Variants in DDX46 observed in about 807,000 individuals in gnomAD.
DDX46 encodes the protein DEAD-box helicase 46.
A neutral mutation model predicts 134.9 loss-of-function variants in DDX46; 30 were observed. That is an observed-to-expected ratio of 0.22 (90% confidence interval 0.17 to 0.30). The LOEUF (loss-of-function observed/expected upper bound fraction) is 0.30, where lower values mean the gene tolerates loss of function less well. Ranked by LOEUF, DDX46 falls within the 10% of genes least tolerant of loss-of-function variation. DDX46 has a pLI of 1.00. For missense variants in DDX46, 622 were observed against 1,248.7 expected (o/e 0.50, Z 7.56); for synonymous variants, 415 against 404.1 (o/e 1.03, Z -0.32).
intron 11 of DDX46, among the ~76,000 whole-genome samples, chr5:134,787,626 C>T (rs1287209727): frequency 6.6e-6 from 1 of 152,158 alleles, no homozygotes; most frequent in Admixed American, 6.6e-5. Context: ...ATGGTACATG[C>T]CTGCACGTTG....
chr5:134,820,654 G>T (rs1755417313), intron 21 of DDX46, among the ~76,000 whole-genome samples: 1 of 152,088 alleles, frequency 6.6e-6, no homozygotes, highest in African/African-American at 2.4e-5. Flanking sequence ...TGCTATTTAG[G>T]ACTTACATTG....
In DDX46 at chr5:134,788,526, A is replaced by G. The variant is rs763631474; in HGVS notation, c.1478A>G (p.Lys493Arg). Residue 493 changes from lysine to arginine, a missense_variant, in exon 12 of 23, where the codon AAA (lysine) becomes AGA (arginine). This residue lies in a region of DDX46 where 209 missense variants were observed against 508.4 expected (regional missense o/e 0.41). Transcript: ENST00000452510. ...CTTTTTTATTAGATTGCTGAGCTGA[A>G]AAGAGGTGCTGAAATTATTGTTTGC... ...TGISEQIAELKRGAEIIVCTP... is the reference protein window; with the variant it reads ...TGISEQIAELRRGAEIIVCTP... The G allele has an allele frequency of 2.5e-6, 4 of 1,613,896 alleles. No individual in the cohort carries two copies. The Admixed American group carries it at 6.7e-5, about 27-fold the overall frequency.
At chr5:134,760,261 C>T (rs1054609852) in intron 1 of DDX46, among the ~76,000 whole-genome samples, 47 of 152,188 alleles carry the variant, frequency 3.1e-4, no homozygotes, top group African/African-American at 1.1e-3. Flanking sequence ...CGTCAGCCTT[C>T]TCCTTTACCT....
chr5:134,785,286 T>G (rs981185387), intron 10 of DDX46, among the ~76,000 whole-genome samples, 179 bp from the exon 11 acceptor site: 1 of 152,234 alleles, frequency 6.6e-6, no homozygotes, highest in Non-Finnish European at 1.5e-5. Flanking sequence ...TCTGCTTATA[T>G]TTATCCTTCC....
chr5:134,828,721 G>A lies in DDX46; in HGVS notation c.*15G>A, dbSNP rs769884639. 2 of 1,494,168 alleles carry A rather than the reference G, an allele frequency of 1.3e-6. No individual in the cohort carries two copies. Among genetic ancestry groups the A allele is most frequent in the Non-Finnish European group, 1.8e-6 (2 of 1,124,370 alleles). 92.6% of individuals were successfully genotyped at this position (1,494,168 alleles called of 1,614,324 possible). A position where few individuals can be genotyped will look rare whatever the true frequency, so the allele number is the denominator to read the frequency against. On this transcript the variant is annotated 3_prime_UTR_variant, in exon 23 of 23. Transcript: ENST00000452510. ...AAGTCTTATAGACATCCGGAAAAAA[G>A]ATTTTTACCTGTGCTGGTCTATGAT...
intron 21 of DDX46, among the ~76,000 whole-genome samples, chr5:134,825,313 C>G (rs1755560647): frequency 6.6e-6 from 1 of 152,190 alleles, no homozygotes; most frequent in African/African-American, 2.4e-5. Context: ...CCAGCACTCA[C>G]CTTCCCCACG....
At chr5:134,804,683 A>T (rs1444137793) in intron 15 of DDX46, 1 of 205,634 alleles carries the variant, frequency 4.9e-6, no homozygotes. Context: ...TTGTTCCGGA[A>T]AAGTCATTTT....
rs1300637354 is a variant in DDX46 at position 134,790,631 on chromosome 5, T to C, written c.1626+79T>C. ...CCATGAGAATGAAATGTTCATGTGG[T>C]TTCTGAAATTCACACACACACTTTT... On this transcript the variant is annotated intron_variant, in intron 13 of 22. Coordinates refer to ENST00000452510, the MANE Select transcript of DDX46 (RefSeq NM_001300860.2). The C allele has an allele frequency of 3.2e-6, 4 of 1,264,728 alleles. No homozygotes were observed. In the African/African-American group the frequency reaches 6.0e-5, roughly 19 times the overall value. 78.3% of individuals were successfully genotyped at this position (1,264,728 alleles called of 1,614,324 possible).
chr5:134,786,023 A>G (rs1754322737), intron 11 of DDX46, among the ~76,000 whole-genome samples: 1 of 151,878 alleles, frequency 6.6e-6, no homozygotes, highest in South Asian at 2.1e-4. Context: ...TAATTTTTGT[A>G]TTTTTAGTAG....
At chr5:134,808,509 A>T (rs1755054122) in intron 16 of DDX46, among the ~76,000 whole-genome samples, 1 of 152,292 alleles carries the variant, frequency 6.6e-6, no homozygotes, top group South Asian at 2.1e-4. Flanking sequence ...CTTTTGCACC[A>T]TGGTAAAGTT....
chr5:134,765,678 A>G (rs982196041), intron 2 of DDX46, among the ~76,000 whole-genome samples: 1 of 152,202 alleles, frequency 6.6e-6, no homozygotes, highest in Admixed American at 6.5e-5. Context: ...GACTACAGGT[A>G]TGAGATACCA....
At chr5:134,810,618 A>G (rs369498532) in intron 16 of DDX46, among the ~76,000 whole-genome samples, 149 of 149,262 alleles carry the variant, frequency 1.0e-3, no homozygotes, top group African/African-American at 3.4e-3. Flanking sequence ...TGCTGGGATT[A>G]CAGGCGTGAG....
chr5:134,788,366 TTTC>T, intron 11 of DDX46, 144 bp from the exon 12 acceptor site: 3 of 545,404 alleles, frequency 5.5e-6, no homozygotes, highest in Non-Finnish European at 9.5e-6. Flanking sequence ...GTTGTTGCTA[TTTC>T]TTTAGTAGTG....
At chr5:134,791,700 A>G (rs1337446233) in intron 13 of DDX46, among the ~76,000 whole-genome samples, 1 of 152,236 alleles carries the variant, frequency 6.6e-6, no homozygotes, top group African/African-American at 2.4e-5. Context: ...GGGATAAGGC[A>G]AATGTCATAT....
intron 6 of DDX46, among the ~76,000 whole-genome samples, chr5:134,778,118 A>G (rs1239071664): frequency 6.7e-6 from 1 of 148,676 alleles, no homozygotes; most frequent in Non-Finnish European, 1.5e-5. Context: ...TCCCAGGCCT[A>G]TGCAGTCTAC....
At chr5:134,790,828 T>TA (rs1754478869) in intron 13 of DDX46, among the ~76,000 whole-genome samples, 2 of 152,030 alleles carry the variant, frequency 1.3e-5, no homozygotes, top group South Asian at 4.2e-4. Context: ...GCTTAAGCCT[T>TA]ATTTTTTTTT....
chr5:134,793,178 G>A (rs116673880), intron 13 of DDX46, among the ~76,000 whole-genome samples: 1 of 151,870 alleles, frequency 6.6e-6, no homozygotes, highest in Non-Finnish European at 1.5e-5. Flanking sequence ...GGAAAATTTC[G>A]ATTTAGTTTG....
At chr5:134,790,137 C>T (rs1754461765) in intron 12 of DDX46, 1 of 485,958 alleles carries the variant, frequency 2.1e-6, no homozygotes, top group Non-Finnish European at 4.0e-6. Context: ...TGATGTGGCT[C>T]GATGCTTCAT....
intron 18 of DDX46, among the ~76,000 whole-genome samples, chr5:134,812,208 G>T (rs1351658235): frequency 6.6e-6 from 1 of 151,862 alleles, no homozygotes; most frequent in Non-Finnish European, 1.5e-5. Context: ...GGGATTACAG[G>T]CATCCACCAC....
Sources: allele counts gnomAD v4.1 joint callset (sites outside exome capture counted in the v4.1 genomes callset), GRCh38; gene constraint gnomAD v4.1.1; regional missense constraint gnomAD v4.1.1; transcripts MANE v1.5; gene names NCBI Gene and HGNC (gene_info 2026-07-23, HGNC 2026-07-21).